The following GPSM2 variants were observed in gnomAD, a reference collection of about 807,000 sequenced individuals.
The protein encoded by GPSM2 is G protein-signaling modulator 2.
GPSM2 carries 58 observed loss-of-function variants against 78.4 expected under a neutral mutation model. That is an observed-to-expected ratio of 0.74 (90% CI 0.60 to 0.92). The LOEUF (loss-of-function observed/expected upper bound fraction) is 0.92. Among genes scored for constraint, GPSM2 ranks in the 40% least tolerant of loss-of-function variants. The pLI, the probability that GPSM2 is intolerant of heterozygous loss-of-function variation, is 0.00. For synonymous variants in GPSM2, 224 were observed against 280.2 expected (o/e 0.80, Z 2.00); for missense variants, 700 against 815.5 (o/e 0.86, Z 1.73).
In GPSM2 at chr1:108,932,469, C is replaced by T. The variant is rs943768486; in HGVS notation, c.*2529C>T. 2.6e-5 allele frequency: 4 copies of T among 152,168 alleles called. No homozygotes were observed. The highest frequency in any genetic ancestry group is 9.7e-5 in the African/African-American group (4 of 41,438). The allele number at this position is 152,168 out of a possible 1,614,324, so 9.4% of individuals were successfully genotyped here. ...CAACAGTTGCATGTCGCCTTGCTAGCTGTCAAAGTAGACTTCATCCCCAAA... is the reference window on the plus strand; with the variant it reads ...CAACAGTTGCATGTCGCCTTGCTAGTTGTCAAAGTAGACTTCATCCCCAAA... On this transcript the variant is annotated 3_prime_UTR_variant, in exon 15 of 15. Transcript: ENST00000264126.
At chr1:108,926,523 CT>C (rs1651127306) in intron 14 of GPSM2, 1 of 152,180 alleles carries the variant, frequency 6.6e-6, no homozygotes, top group African/African-American at 2.4e-5. Flanking sequence ...AGCAGCGCCC[CT>C]GCTGTAAAGG....
rs374152918 is a variant in GPSM2 at position 108,908,168 on chromosome 1, G to A, written c.1192+3914G>A. ...GAGCGGATCATGAGGTCAGGAGATC[G>A]AGACCATCCTGGCTAACGTGGTGAA... On this transcript the variant is annotated intron_variant, in intron 10 of 14. Transcript: ENST00000264126. Among the ~76,000 whole-genome samples, 34 of 152,158 alleles carry A rather than the reference G, an allele frequency of 2.2e-4. No individual in the cohort carries two copies. The South Asian group carries it at 4.8e-3, about 21-fold the overall frequency.
In GPSM2 at chr1:108,929,970, A is replaced by G. The variant is rs1651644769; in HGVS notation, c.*30A>G. 6.3e-7 allele frequency: 1 copy of G among 1,596,860 alleles called. No individual in the cohort carries two copies. Among genetic ancestry groups the G allele is most frequent in the Non-Finnish European group, 8.6e-7 (1 of 1,165,456 alleles). The stretch of plus-strand genomic sequence containing the variant: ...TATGGATTTATTTTTTTTCCTTTCA[A>G]ACACGGTAAGGAAACAATCTATTAC... On this transcript the variant is annotated 3_prime_UTR_variant, in exon 15 of 15. Coordinates refer to ENST00000264126, the MANE Select transcript of GPSM2 (RefSeq NM_013296.5).
intron 11 of GPSM2, among the ~76,000 whole-genome samples, chr1:108,915,325 C>G (rs1650106656): frequency 7.3e-6 from 1 of 137,440 alleles, no homozygotes; most frequent in Non-Finnish European, 1.5e-5. Context: ...GAGCTGAGAT[C>G]GCGCCACTGT....
chr1:108,911,843 G>C (rs1271177710), intron 10 of GPSM2, among the ~76,000 whole-genome samples: 1 of 113,290 alleles, frequency 8.8e-6, no homozygotes, highest in Non-Finnish European at 1.7e-5. Context: ...CTCTTACTCT[G>C]TCACCAGGCG....
At chr1:108,927,642 G>A (rs1467834605) in intron 14 of GPSM2, among the ~76,000 whole-genome samples, 1 of 152,100 alleles carries the variant, frequency 6.6e-6, no homozygotes, top group Non-Finnish European at 1.5e-5. Context: ...AAAACTCAAA[G>A]TGGGCCAAAG....
At chr1:108,926,270 T>A (rs977003458) in intron 14 of GPSM2, 3 of 152,186 alleles carry the variant, frequency 2.0e-5, no homozygotes, top group Admixed American at 2.0e-4. Flanking sequence ...CTGCTATTTT[T>A]CCAGGAGAAT....
At chr1:108,888,834 A>G (rs1431646777) in intron 2 of GPSM2, among the ~76,000 whole-genome samples, 3 of 152,244 alleles carry the variant, frequency 2.0e-5, no homozygotes, top group Non-Finnish European at 4.4e-5. Context: ...AAGTTAACAT[A>G]GGTAAGATGA....
At position 108,933,457 on chromosome 1, in the gene GPSM2, T is replaced by C. The variant is rs543342356; in HGVS notation, c.*3517T>C. 4.0e-5 allele frequency: 6 copies of C among 150,938 alleles called. No homozygotes were observed. Among genetic ancestry groups the C allele is most frequent in the African/African-American group, 1.5e-4 (6 of 40,910 alleles). The allele number at this position is 150,938 out of a possible 1,614,324, so 9.3% of individuals were successfully genotyped here. On this transcript the variant is annotated 3_prime_UTR_variant, in exon 15 of 15. Coordinates refer to ENST00000264126, the MANE Select transcript of GPSM2 (RefSeq NM_013296.5). Reference sequence around the variant, plus strand: ...TGCACCTGGCCTAAAATTACATTGTTACAGGCACGTAAGTAACACTTCCTG... The same window carrying C: ...TGCACCTGGCCTAAAATTACATTGTCACAGGCACGTAAGTAACACTTCCTG...
At chr1:108,912,380 A>C (rs1649820146) in intron 10 of GPSM2, among the ~76,000 whole-genome samples, 1 of 152,174 alleles carries the variant, frequency 6.6e-6, no homozygotes, top group South Asian at 2.1e-4. Flanking sequence ...TATGGAAAAT[A>C]ATCTCACATA....
At chr1:108,921,849 A>T (rs1650733548) in intron 12 of GPSM2, among the ~76,000 whole-genome samples, 1 of 152,176 alleles carries the variant, frequency 6.6e-6, no homozygotes, top group Non-Finnish European at 1.5e-5. Context: ...ATTATAATAT[A>T]TCATTATGAA....
At chr1:108,889,319 G>T (rs1037638668) in intron 2 of GPSM2, among the ~76,000 whole-genome samples, 21 of 152,292 alleles carry the variant, frequency 1.4e-4, no homozygotes, top group Admixed American at 1.4e-3. Flanking sequence ...CGATTGGCTA[G>T]CAACTTAGAA....
At chr1:108,898,559 G>T in intron 5 of GPSM2, 83 bp from the exon 6 acceptor site, 1 of 1,317,848 alleles carries the variant, frequency 7.6e-7, no homozygotes, top group Non-Finnish European at 1.1e-6. Flanking sequence ...ATTTTTTTCT[G>T]ATAAAAAGAA....
chr1:108,917,611 CATATATATATATATAT>C (rs55909258), intron 11 of GPSM2, among the ~76,000 whole-genome samples: 744 of 22,524 alleles, frequency 0.033, 25 homozygotes, highest in Non-Finnish European at 0.042. Flanking sequence ...CACACACACA[CATATATATATATATAT>C]ATATATATAT....
intron 12 of GPSM2, 134 bp downstream of exon 12, chr1:108,918,923 C>A: frequency 1.5e-6 from 1 of 669,848 alleles, no homozygotes; most frequent in Non-Finnish European, 2.6e-6. Context: ...ATTTCCCTAT[C>A]TTTTCTATCT....
chr1:108,922,538 C>T lies in GPSM2; in HGVS notation c.1562C>T (p.Thr521Ile), dbSNP rs979238413. 6.9e-6 allele frequency: 11 copies of T among 1,588,572 alleles called. No homozygotes were observed. The African/African-American group carries it at 1.8e-4, about 26-fold the overall frequency. ...GAAAAGAACTGCCATACAGCTTCAA[C>T]AACAACTTCTTCCACTCCCCCTAAA... ...LQEKNCHTAS[T>I]TTSSTPPKMM... is the part of the protein sequence containing the mutation. Residue 521 changes from threonine (T) to isoleucine (I), a missense_variant, in exon 13 of 15, where the codon ACA becomes ATA. Coordinates refer to ENST00000264126, the MANE Select transcript of GPSM2 (RefSeq NM_013296.5).
At position 108,931,080 on chromosome 1, in the gene GPSM2, G is replaced by C. The variant is rs1651870314; in HGVS notation, c.*1140G>C. 3.4e-6 allele frequency: 1 copy of C among 297,798 alleles called. No individual in the cohort carries two copies. The highest frequency in any genetic ancestry group is 2.2e-5 in the African/African-American group (1 of 45,120). The allele number at this position is 297,798 out of a possible 1,614,324, so 18.4% of individuals were successfully genotyped here. A position where few individuals can be genotyped will look rare whatever the true frequency, so the allele number is the denominator to read the frequency against. ...AAAACAAGTATCTTTTGTGTGTTTT[G>C]GGCTGTTTAAAAAAATTATTTAAAA... is the stretch of plus-strand genomic sequence containing the variant. On this transcript the variant is annotated 3_prime_UTR_variant, in exon 15 of 15. Transcript: ENST00000264126.
Position 108,898,732 on chromosome 1 carries a change from C to T in GPSM2, c.648C>T (p.Gly216=). 1.2e-6 allele frequency: 2 copies of T among 1,613,866 alleles called. No individual in the cohort carries two copies. The highest frequency in any genetic ancestry group is 1.7e-6 in the Non-Finnish European group (2 of 1,179,760). ...GNLGNTHYLL[G]NFRDAVIAHE... is the part of the protein sequence containing the mutation. Reference sequence around the variant, plus strand: ...TTGGAAACACACATTACCTCCTTGGCAACTTCAGGGATGCAGTTATAGCTC... The same window carrying T: ...TTGGAAACACACATTACCTCCTTGGTAACTTCAGGGATGCAGTTATAGCTC... Residue 216 remains glycine (G), a synonymous_variant, in exon 6 of 15, where the codon GGC becomes GGT. Coordinates refer to ENST00000264126, the MANE Select transcript of GPSM2 (RefSeq NM_013296.5).
At chr1:108,881,317 T>G (rs191865976) in intron 1 of GPSM2, among the ~76,000 whole-genome samples, 22 of 152,336 alleles carry the variant, frequency 1.4e-4, no homozygotes, top group African/African-American at 4.8e-4. Flanking sequence ...TAGTGGAGGT[T>G]GGAGGTTGAA....
Sources: allele counts gnomAD v4.1 joint callset (sites outside exome capture counted in the v4.1 genomes callset), GRCh38; gene constraint gnomAD v4.1.1; transcripts MANE v1.5; gene names NCBI Gene and HGNC (gene_info 2026-07-23, HGNC 2026-07-21).